ZNF398: variants seen among roughly 807,000 people sequenced by gnomAD.
The protein encoded by ZNF398 is zinc finger protein 398.
Under a neutral mutation model 41.9 loss-of-function variants are expected in ZNF398, and 18 were observed. That is an observed-to-expected ratio of 0.43 (90% CI 0.30 to 0.64). The LOEUF is 0.64. Ranked by LOEUF, ZNF398 falls within the 30% of genes least tolerant of loss-of-function variation. The pLI is 0.14. For missense variants in ZNF398, 669 were observed against 822.8 expected, an observed-to-expected ratio of 0.81 and a Z score of 2.29; for synonymous variants, 260 against 308.8, an observed-to-expected ratio of 0.84 and a Z score of 1.66.
chr7:149,154,853 G>A (rs889725205), intron 2 of ZNF398, among the ~76,000 whole-genome samples: 1 of 151,890 alleles, frequency 6.6e-6, no homozygotes, highest in Non-Finnish European at 1.5e-5. Flanking sequence ...GCCGGGTGTG[G>A]TAGCACATGC....
Position 149,133,678 on chromosome 7 carries a change from T to TAC in ZNF398, c.-490+4736_-490+4737dup, listed in dbSNP as rs374864305. On this transcript the variant is annotated intron_variant, in intron 2 of 6. Transcript: ENST00000426851. ...AAATATATATATATATATATATATA[T>TAC]ACATATATATGTGTGTATATATATA... Among the ~76,000 whole-genome samples, 387 of 67,010 alleles carry TAC rather than the reference T, an allele frequency of 5.8e-3. 14 individuals carry two copies. The highest frequency in any genetic ancestry group is 0.022 in the African/African-American group (369 of 16,446). 44.0% of individuals were successfully genotyped at this position (67,010 alleles called of 152,430 possible).
Position 149,154,198 on chromosome 7 carries a change from A to T in ZNF398, c.278A>T (p.Glu93Val). Reference sequence around the variant, plus strand: ...GTTACCGAGCTTGGGAACCAGCTGGAGGGCAAGTGGGCCGTGCTGGGAACC... The same window carrying T: ...GTTACCGAGCTTGGGAACCAGCTGGTGGGCAAGTGGGCCGTGCTGGGAACC... Reference protein sequence around the residue: ...KTVTELGNQLEGKWAVLGTLL... With the variant: ...KTVTELGNQLVGKWAVLGTLL... The change falls in exon 2 of 6, where the codon GAG becomes GTG. Residue 93 changes from glutamate (E) to valine (V), a missense_variant. Coordinates refer to ENST00000475153, the MANE Select transcript of ZNF398 (RefSeq NM_170686.3). 6.2e-7 allele frequency: 1 copy of T among 1,614,166 alleles called. No individual in the cohort carries two copies. The highest frequency in any genetic ancestry group is 8.5e-7 in the Non-Finnish European group (1 of 1,180,050).
At chr7:149,127,965 GAAATGGTATAT>G (rs1232330640) in intron 1 of ZNF398, among the ~76,000 whole-genome samples, 4 of 152,134 alleles carry the variant, frequency 2.6e-5, no homozygotes, top group African/African-American at 9.7e-5. Context: ...TCTCTTTTTA[GAAATGGTATAT>G]AAATGGAATC....
intron 2 of ZNF398, among the ~76,000 whole-genome samples, chr7:149,161,809 A>C (rs1165095758): frequency 1.1e-5 from 1 of 91,486 alleles, no homozygotes; most frequent in Non-Finnish European, 2.2e-5. Context: ...AATTAACTCC[A>C]AAAAAAAAAA....
chr7:149,127,726 A>G (rs114659588), intron 1 of ZNF398, among the ~76,000 whole-genome samples: 5,357 of 151,998 alleles, frequency 0.035, 303 homozygotes, highest in African/African-American at 0.12. Flanking sequence ...CAAAAAAACC[A>G]AAAACAAACA....
In ZNF398 at chr7:149,167,414, T is replaced by G. The variant is rs1368148559; in HGVS notation, c.661+484T>G. ...TCATGAACTCTTCCTAACTTTTTGG[T>G]TGGCAGCTGCTTAACATTGTGTGGG... On this transcript the variant is annotated intron_variant, in intron 4 of 5. Transcript: ENST00000475153. 2.0e-5 allele frequency among the ~76,000 whole-genome samples: 3 copies of G among 152,106 alleles called. No homozygotes were observed. The East Asian group carries it at 5.8e-4, about 29-fold the overall frequency.
In ZNF398 at chr7:149,157,836, CAAA is replaced by C. The variant is rs67225033; in HGVS notation, c.420+3514_420+3516del. Among the ~76,000 whole-genome samples, 17 of 59,740 alleles carry C rather than the reference CAAA, an allele frequency of 2.8e-4. 1 individual carries two copies. The highest frequency in any genetic ancestry group is 5.7e-4 in the Admixed American group (3 of 5,292). The allele number at this position is 59,740 out of a possible 152,430, so 39.2% of individuals were successfully genotyped here. ...CTGGCGACAGAGTAAGACTCTGTCT[CAAA>C]AAAAAAAAAAAAAAAAAGAGTCCAG... is the stretch of plus-strand genomic sequence containing the variant. On this transcript the variant is annotated intron_variant, in intron 2 of 5. Coordinates refer to ENST00000475153, the MANE Select transcript of ZNF398 (RefSeq NM_170686.3).
At chr7:149,163,832 A>T (rs1795165999) in intron 2 of ZNF398, among the ~76,000 whole-genome samples, 1 of 152,216 alleles carries the variant, frequency 6.6e-6, no homozygotes, top group Non-Finnish European at 1.5e-5. Flanking sequence ...CCAGGCTGGG[A>T]GTGGTGGCGG....
At position 149,154,301 on chromosome 7, in the gene ZNF398, C is replaced by T. The variant is rs750944418; in HGVS notation, c.381C>T (p.Ile127=). Residue 127 remains isoleucine, a synonymous_variant, in exon 2 of 6, where the codon ATC becomes ATT. Coordinates refer to ENST00000475153, the MANE Select transcript of ZNF398 (RefSeq NM_170686.3). ...TGCTGCGCAACAGGAACTTCTGGAT[C>T]CTGCGGCTCCCTCCAGGTATTAAGG... is the stretch of plus-strand genomic sequence containing the variant. The part of the protein sequence containing the change: ...ENLLRNRNFW[I]LRLPPGIKGD... 6.2e-7 allele frequency: 1 copy of T among 1,613,952 alleles called. No individual in the cohort carries two copies.
At chr7:149,165,102 A>AT in intron 2 of ZNF398, among the ~76,000 whole-genome samples, 1 of 150,396 alleles carries the variant, frequency 6.6e-6, no homozygotes, top group Non-Finnish European at 1.5e-5. Context: ...CTAAAAAAAA[A>AT]AAAGAAAAGA....
chr7:149,155,916 C>T (rs1045319160), intron 2 of ZNF398, among the ~76,000 whole-genome samples: 19 of 151,236 alleles, frequency 1.3e-4, no homozygotes, highest in African/African-American at 3.9e-4. Flanking sequence ...TTAGTAGAGA[C>T]GGGGTTTCAC....
chr7:149,130,862 C>T lies in ZNF398; in HGVS notation c.-490+1918C>T, dbSNP rs115711579. Reference sequence around the variant, plus strand: ...CATCTCCCTGACAGGCTAAAATGAGCGGCTTCTATTGCTGGGAGGAAATGT... The same window carrying T: ...CATCTCCCTGACAGGCTAAAATGAGTGGCTTCTATTGCTGGGAGGAAATGT... On this transcript the variant is annotated intron_variant, in intron 2 of 6. Transcript: ENST00000426851. Among the ~76,000 whole-genome samples, 574 of 152,212 alleles carry T rather than the reference C, an allele frequency of 3.8e-3. 5 individuals are homozygous for T. The highest frequency in any genetic ancestry group is 0.013 in the African/African-American group (541 of 41,522).
At chr7:149,156,738 G>A (rs1489730231) in intron 2 of ZNF398, among the ~76,000 whole-genome samples, 1 of 151,344 alleles carries the variant, frequency 6.6e-6, no homozygotes, top group African/African-American at 2.4e-5. Context: ...GCGCATACCC[G>A]TAATCCCAGC....
At chr7:149,135,480 A>G (rs1471752847) in intron 2 of ZNF398, among the ~76,000 whole-genome samples, 2 of 151,834 alleles carry the variant, frequency 1.3e-5, no homozygotes, top group Non-Finnish European at 2.9e-5. Flanking sequence ...AAGTCATAAG[A>G]ATGATATAGT....
At chr7:149,151,557 A>C (rs188689954) in intron 1 of ZNF398, among the ~76,000 whole-genome samples, 3 of 152,088 alleles carry the variant, frequency 2.0e-5, no homozygotes, top group African/African-American at 7.2e-5. Flanking sequence ...CTTTGTTTCA[A>C]AGTAAATTAT....
chr7:149,178,892 G>A lies in ZNF398; in HGVS notation c.1020G>A (p.Glu340=). The A allele has an allele frequency of 6.2e-7, 1 of 1,614,120 alleles. No individual in the cohort carries two copies. The highest frequency in any genetic ancestry group is 8.5e-7 in the Non-Finnish European group (1 of 1,179,982). ...GSYPLPPPVG[E]QVFSCHHCGK... The stretch of plus-strand genomic sequence containing the variant: ...ATCCCCTCCCACCTCCAGTTGGCGA[G>A]CAGGTGTTCTCATGCCACCACTGTG... The change falls in exon 6 of 6, where the codon GAG becomes GAA. Residue 340 remains glutamate, a synonymous_variant. Coordinates refer to ENST00000475153, the MANE Select transcript of ZNF398 (RefSeq NM_170686.3).
chr7:149,178,084 G>C (rs1795499794), intron 5 of ZNF398, among the ~76,000 whole-genome samples: 1 of 152,226 alleles, frequency 6.6e-6, no homozygotes, highest in Non-Finnish European at 1.5e-5. Flanking sequence ...GAGGTCAGGA[G>C]ATCGAGACCA....
At chr7:149,139,021 C>T (rs181899878) in intron 2 of ZNF398, among the ~76,000 whole-genome samples, 114 of 151,498 alleles carry the variant, frequency 7.5e-4, no homozygotes, top group African/African-American at 2.4e-3. Flanking sequence ...AGCAATTCTC[C>T]TGCCTCAGCC....
chr7:149,137,092 C>T (rs1487577883), intron 2 of ZNF398, among the ~76,000 whole-genome samples: 2 of 152,126 alleles, frequency 1.3e-5, no homozygotes, highest in Non-Finnish European at 2.9e-5. Context: ...GTCTTGAACT[C>T]CTGACCTCAG....
Sources: gnomAD v4.1 joint callset for allele counts (sites outside exome capture counted in the v4.1 genomes callset) on GRCh38, gnomAD v4.1.1 for gene constraint, MANE v1.5 for transcripts, NCBI Gene and HGNC (gene_info 2026-07-23, HGNC 2026-07-21) for gene names.